The following DCT variants were observed in gnomAD, a reference collection of about 807,000 sequenced individuals.
DCT encodes dopachrome tautomerase.
In DCT, 47 loss-of-function variants were observed where a neutral mutation model predicts 53.0. That is an observed-to-expected ratio of 0.89 (90% CI 0.70 to 1.13). The LOEUF is 1.13. DCT is among the 50% of genes most tolerant of loss of function. The pLI, the probability that DCT is intolerant of heterozygous loss-of-function variation, is 0.00. For synonymous variants in DCT, 244 were observed against 237.0 expected (o/e 1.03, Z -0.27); for missense variants, 669 against 637.4 (o/e 1.05, Z -0.53).
chr13:94,530,351 A>G, the DCT span, among the ~76,000 whole-genome samples: 1 of 152,160 alleles, frequency 6.6e-6, no homozygotes, highest in South Asian at 2.1e-4. Context: ...GAGAATTTTC[A>G]GCCAATATCC....
At chr13:94,466,390 A>G (rs932459230) in intron 3 of DCT, among the ~76,000 whole-genome samples, 168 bp downstream of exon 3, 1 of 152,116 alleles carries the variant, frequency 6.6e-6, no homozygotes, top group Admixed American at 6.6e-5. Flanking sequence ...ACACACAAAA[A>G]GAGATATCTC....
intron 6 of DCT, among the ~76,000 whole-genome samples, chr13:94,447,970 G>T (rs1357579105): frequency 6.6e-6 from 1 of 152,168 alleles, no homozygotes; most frequent in Non-Finnish European, 1.5e-5. Flanking sequence ...TAGTAAGGCT[G>T]CACACAGTGG....
intron 1 of DCT, among the ~76,000 whole-genome samples, chr13:94,474,155 T>C (rs1236395015): frequency 1.3e-5 from 2 of 152,222 alleles, no homozygotes; most frequent in African/African-American, 2.4e-5. Context: ...AAAAAAATGA[T>C]TCCTAGATAA....
the DCT span, among the ~76,000 whole-genome samples, chr13:94,514,125 T>G: frequency 1.3e-5 from 2 of 151,390 alleles, no homozygotes; most frequent in Non-Finnish European, 2.9e-5. Context: ...TTTCCAGAGA[T>G]GGAAAGCAAA....
At chr13:94,518,925 C>T in the DCT span, among the ~76,000 whole-genome samples, 1 of 152,130 alleles carries the variant, frequency 6.6e-6, no homozygotes, top group South Asian at 2.1e-4. Context: ...GTCTTGCTGG[C>T]CTTATCTCAA....
the DCT span, among the ~76,000 whole-genome samples, chr13:94,520,982 T>C: frequency 6.6e-6 from 1 of 152,198 alleles, no homozygotes; most frequent in East Asian, 1.9e-4. Flanking sequence ...GATATTTCAA[T>C]GGAGGCTGTC....
chr13:94,505,777 A>G, the DCT span, among the ~76,000 whole-genome samples: 1 of 152,248 alleles, frequency 6.6e-6, no homozygotes, highest in Non-Finnish European at 1.5e-5. Flanking sequence ...GAACAATTTG[A>G]TAAAGCAAGC....
At chr13:94,544,933 C>T in the DCT span, among the ~76,000 whole-genome samples, 93 of 152,120 alleles carry the variant, frequency 6.1e-4, 1 homozygote, top group Admixed American at 1.0e-3. Flanking sequence ...TATAGCAGCT[C>T]GGTCTCAAAA....
chr13:94,453,309 T>TAA (rs1226424948), intron 6 of DCT, among the ~76,000 whole-genome samples: 1 of 151,844 alleles, frequency 6.6e-6, no homozygotes, highest in Non-Finnish European at 1.5e-5. Flanking sequence ...TGCAACTGTA[T>TAA]AAAACATATG....
chr13:94,469,353 G>C (rs1291432415), intron 1 of DCT, among the ~76,000 whole-genome samples: 1 of 152,160 alleles, frequency 6.6e-6, no homozygotes, highest in East Asian at 1.9e-4. Context: ...ACTATATTTG[G>C]AGATAGTGTC....
intron 4 of DCT, among the ~76,000 whole-genome samples, chr13:94,463,081 T>A (rs1480993899): frequency 6.6e-6 from 1 of 152,180 alleles, no homozygotes; most frequent in African/African-American, 2.4e-5. Context: ...CCTACACGCC[T>A]GCTATGGCCT....
chr13:94,502,557 G>A, the DCT span, among the ~76,000 whole-genome samples: 28 of 152,274 alleles, frequency 1.8e-4, no homozygotes, highest in Non-Finnish European at 3.7e-4. Context: ...GCTGCGAGGA[G>A]CTGGTGAACT....
chr13:94,443,142 CAGAG>C (rs1434590665), intron 7 of DCT, among the ~76,000 whole-genome samples: 1 of 152,126 alleles, frequency 6.6e-6, no homozygotes, highest in Admixed American at 6.5e-5. Flanking sequence ...CCAATAAACT[CAGAG>C]AGAATTGTCA....
At chr13:94,476,320 T>TAAAAC (rs1445324987) in intron 1 of DCT, among the ~76,000 whole-genome samples, 1 of 151,164 alleles carries the variant, frequency 6.6e-6, no homozygotes, top group Admixed American at 6.6e-5. Context: ...TATCCCTACC[T>TAAAAC]AAAACAAAAC....
intron 7 of DCT, among the ~76,000 whole-genome samples, chr13:94,441,438 G>A (rs778804051): frequency 6.6e-6 from 1 of 151,942 alleles, no homozygotes; most frequent in Non-Finnish European, 1.5e-5. Context: ...TCACATTGTT[G>A]TGCGACCATC....
chr13:94,487,385 G>A, the DCT span, among the ~76,000 whole-genome samples: 1 of 152,218 alleles, frequency 6.6e-6, no homozygotes, highest in Non-Finnish European at 1.5e-5. Context: ...TTGCATGCCG[G>A]CACCTAGCAC....
At chr13:94,477,221 G>C (rs912044090) in intron 1 of DCT, among the ~76,000 whole-genome samples, 1 of 151,976 alleles carries the variant, frequency 6.6e-6, no homozygotes, top group Non-Finnish European at 1.5e-5. Context: ...TCAGCCCCCA[G>C]AGTAGCTGGG....
the DCT span, among the ~76,000 whole-genome samples, chr13:94,530,714 CT>C: frequency 0.26 from 39,711 of 152,020 alleles, 6,459 homozygotes; most frequent in East Asian, 0.61. Flanking sequence ...GAAGCATTCC[CT>C]TTGAAAACTG....
chr13:94,525,658 T>C, the DCT span, among the ~76,000 whole-genome samples: 1 of 152,200 alleles, frequency 6.6e-6, no homozygotes, highest in African/African-American at 2.4e-5. Flanking sequence ...TTGAGGCCTC[T>C]GCACAGCTAA....
Sources: gnomAD v4.1 joint callset for allele counts (sites outside exome capture counted in the v4.1 genomes callset) on GRCh38, gnomAD v4.1.1 for gene constraint, MANE v1.5 for transcripts, NCBI Gene and HGNC (gene_info 2026-07-23, HGNC 2026-07-21) for gene names.